Variants in SORT1 observed in about 807,000 individuals in gnomAD.
SORT1 encodes the protein sortilin.
In SORT1, 39 loss-of-function variants were observed where a neutral mutation model predicts 101.7. The observed-to-expected ratio is 0.38, with a 90% confidence interval of 0.30 to 0.50. SORT1 has a LOEUF of 0.50. SORT1 is among the 20% of genes least tolerant of loss of function. SORT1 has a pLI of 0.90. For synonymous variants in SORT1, 396 were observed against 393.7 expected (o/e 1.01, Z -0.07); for missense variants, 878 against 1,040.4 (o/e 0.84, Z 2.15).
At position 109,345,833 on chromosome 1, in the gene SORT1, T is replaced by C. The variant is rs1187406494; in HGVS notation, c.881A>G (p.Lys294Arg). The C allele has an allele frequency of 3.1e-6, 5 of 1,613,784 alleles. No individual in the cohort carries two copies. Among genetic ancestry groups the C allele is most frequent in the South Asian group, 1.1e-5 (1 of 91,060 alleles). The change falls in exon 8 of 20, where the codon AAA (lysine) becomes AGA (arginine). Residue 294 changes from lysine to arginine, a missense_variant. Lys to Arg is a conservative substitution (Grantham distance 26, BLOSUM62 2). Around this residue, in one of 2 missense-constraint regions of SORT1, gnomAD observed 684 missense variants for 894.5 expected, o/e 0.76. Transcript: ENST00000256637. ...TTTCACACCAATAGTTTTGAAGCTT[T>C]TTCCCAAGTCTGAAGTTCTCCATAA... ...LELWRTSDLG[K>R]SFKTIGVKIY...
At chr1:109,361,416 G>A (rs1650714738) in intron 3 of SORT1, among the ~76,000 whole-genome samples, 3 of 152,046 alleles carry the variant, frequency 2.0e-5, no homozygotes, top group South Asian at 2.1e-4. Context: ...ACATTTTTAC[G>A]AATATTCTAC....
chr1:109,328,180 G>T (rs1218235771), intron 11 of SORT1, among the ~76,000 whole-genome samples: 1 of 152,166 alleles, frequency 6.6e-6, no homozygotes, highest in East Asian at 1.9e-4. Flanking sequence ...TGGCTATCAT[G>T]AATAATGTTG....
In SORT1 at chr1:109,369,447, A is replaced by G. The variant is rs1651334426; in HGVS notation, c.366+83T>C. On this transcript the variant is annotated intron_variant, in intron 2 of 19. Transcript: ENST00000256637. ...AGGCTAAAGACAGTTTCAGGAAGAAATGATATTAGGTGCTTAACCCTTCCC... is the reference window on the plus strand; with the variant it reads ...AGGCTAAAGACAGTTTCAGGAAGAAGTGATATTAGGTGCTTAACCCTTCCC... 9 of 848,372 alleles carry G rather than the reference A, an allele frequency of 1.1e-5. No individual in the cohort carries two copies. In the Admixed American group the frequency reaches 1.6e-4, roughly 15 times the overall value. The allele number at this position is 848,372 out of a possible 1,614,324, so 52.6% of individuals were successfully genotyped here.
chr1:109,361,981 T>G (rs577232586), intron 3 of SORT1, among the ~76,000 whole-genome samples: 21 of 152,266 alleles, frequency 1.4e-4, no homozygotes, highest in Middle Eastern at 3.4e-3. Flanking sequence ...ATGCTTTTTT[T>G]GGGGGGTACT....
intron 6 of SORT1, among the ~76,000 whole-genome samples, chr1:109,349,085 C>T (rs1453774184): frequency 6.6e-6 from 1 of 152,124 alleles, no homozygotes; most frequent in South Asian, 2.1e-4. Context: ...TGGCTCATGC[C>T]CTGTAATCCC....
In SORT1 at chr1:109,397,798, AG is replaced by A; in HGVS notation, c.94del (p.Leu32SerfsTer25). ...LLLQLLPPST[L>X]SQDRLDAPPP... is the part of the protein sequence containing the mutation. ...CGGCGCGTCCAGCCGGTCCTGGCTGAGGGTCGACGGCGGCAGCAGCTGCAGG... is the reference window on the plus strand; with the variant it reads ...CGGCGCGTCCAGCCGGTCCTGGCTGAGGTCGACGGCGGCAGCAGCTGCAGG... On this transcript the variant is annotated frameshift_variant, in exon 1 of 20. Coordinates refer to ENST00000256637, the MANE Select transcript of SORT1 (RefSeq NM_002959.7). LOFTEE classifies it high-confidence loss of function. The A allele has an allele frequency of 7.9e-7, 1 of 1,267,152 alleles. No homozygotes were observed. The highest frequency in any genetic ancestry group is 1.0e-6 in the Non-Finnish European group (1 of 998,876). The allele number at this position is 1,267,152 out of a possible 1,614,324, so 78.5% of individuals were successfully genotyped here.
At chr1:109,349,122 G>A (rs1303915027) in intron 6 of SORT1, among the ~76,000 whole-genome samples, 4 of 152,140 alleles carry the variant, frequency 2.6e-5, no homozygotes, top group Admixed American at 6.5e-5. Context: ...TGAGGTGGGC[G>A]GATCAGGAGG....
At chr1:109,372,756 G>A (rs924836485) in intron 1 of SORT1, among the ~76,000 whole-genome samples, 24 of 152,062 alleles carry the variant, frequency 1.6e-4, no homozygotes, top group South Asian at 6.2e-4. Flanking sequence ...AAAATTAGCC[G>A]GGCGTGGTGG....
intron 3 of SORT1, among the ~76,000 whole-genome samples, chr1:109,356,128 TC>T (rs1456036260): frequency 6.6e-6 from 1 of 152,162 alleles, no homozygotes; most frequent in South Asian, 2.1e-4. Context: ...CGCCTCGGCC[TC>T]CCAAAGTGCT....
intron 1 of SORT1, among the ~76,000 whole-genome samples, chr1:109,392,014 T>C (rs1652943952): frequency 6.6e-6 from 1 of 152,260 alleles, no homozygotes; most frequent in Admixed American, 6.5e-5. Context: ...TTGTTGTTTC[T>C]AGAAAAGCTG....
At chr1:109,397,109 C>T (rs1358994777) in intron 1 of SORT1, 2 of 152,220 alleles carry the variant, frequency 1.3e-5, no homozygotes, top group African/African-American at 2.4e-5. Context: ...CCAAGCTAGT[C>T]CCCTTAACTA....
chr1:109,397,674 G>A lies in SORT1; in HGVS notation c.219C>T (p.Gly73=). 8.3e-7 allele frequency: 1 copy of A among 1,204,598 alleles called. No homozygotes were observed. The allele number at this position is 1,204,598 out of a possible 1,614,324, so 74.6% of individuals were successfully genotyped here. The change falls in exon 1 of 20, where the codon GGC becomes GGT. Residue 73 remains glycine (G), a synonymous_variant. Transcript: ENST00000256637. ...CGCCCGGCGCGCTGCGACGCCAACG[G>A]CCGCCGCGGGGAAACGCGCCCCCGG... ...AAAGGAFPRG[G]RWRRSAPGED... is the part of the protein sequence containing the mutation.
chr1:109,392,100 C>T (rs997525248), intron 1 of SORT1, among the ~76,000 whole-genome samples: 2 of 152,066 alleles, frequency 1.3e-5, no homozygotes, highest in Non-Finnish European at 2.9e-5. Flanking sequence ...AATATCTGAG[C>T]CTCATTTCTG....
At chr1:109,372,602 AAAAACAAAAC>A (rs112711805) in intron 1 of SORT1, among the ~76,000 whole-genome samples, 4 of 152,110 alleles carry the variant, frequency 2.6e-5, no homozygotes, top group Non-Finnish European at 4.4e-5. Context: ...ACAGCTAATA[AAAAACAAAAC>A]AAAACAAAAC....
In SORT1 at chr1:109,313,897, G is replaced by A; in HGVS notation, c.*146C>T. 1.9e-6 allele frequency: 1 copy of A among 517,200 alleles called. No individual in the cohort carries two copies. Among genetic ancestry groups the A allele is most frequent in the East Asian group, 4.0e-5 (1 of 24,950 alleles). 32.0% of individuals were successfully genotyped at this position (517,200 alleles called of 1,614,324 possible). ...CACCCCCACCCTGCATTTCTTTAGT[G>A]TAGGTCCTTTTGGCTTTGATGGAAG... On this transcript the variant is annotated 3_prime_UTR_variant, in exon 20 of 20. Transcript: ENST00000256637.
chr1:109,343,775 A>G (rs1649395610), intron 8 of SORT1, among the ~76,000 whole-genome samples: 1 of 152,092 alleles, frequency 6.6e-6, no homozygotes, highest in Admixed American at 6.5e-5. Context: ...CAGCCTCCCG[A>G]GTAGCTGGGA....
At chr1:109,381,854 A>G (rs1488069585) in intron 1 of SORT1, among the ~76,000 whole-genome samples, 1 of 151,820 alleles carries the variant, frequency 6.6e-6, no homozygotes, top group Non-Finnish European at 1.5e-5. Flanking sequence ...ACAGAGCAAG[A>G]TTGTCCCTTA....
chr1:109,378,775 G>A (rs540827626), intron 1 of SORT1, among the ~76,000 whole-genome samples: 5 of 112,054 alleles, frequency 4.5e-5, no homozygotes, highest in Admixed American at 1.1e-4. Context: ...GATGTTATGT[G>A]TTAGTTGTAT....
rs577562005 is a variant in SORT1, at chr1:109,350,334, G to A, written c.782+595C>T. On this transcript the variant is annotated intron_variant, in intron 6 of 19. Transcript: ENST00000256637. Reference sequence around the variant, plus strand: ...AAAGGAAAAAACTAAAGCCCAGAAAGGTTGAGCCCCTGACTAGCAGCAGAG... The same window carrying A: ...AAAGGAAAAAACTAAAGCCCAGAAAAGTTGAGCCCCTGACTAGCAGCAGAG... Among the ~76,000 whole-genome samples the A allele has an allele frequency of 7.4e-4, 113 of 152,338 alleles. 1 individual carries two copies. The highest frequency in any genetic ancestry group is 3.4e-3 in the Middle Eastern group (1 of 294).
Sources: gnomAD v4.1 joint callset for allele counts (sites outside exome capture counted in the v4.1 genomes callset) on GRCh38, gnomAD v4.1.1 for gene constraint, gnomAD v4.1.1 regional missense constraint, MANE v1.5 for transcripts, NCBI Gene and HGNC (gene_info 2026-07-23, HGNC 2026-07-21) for gene names.